The following ADORA1 variants were observed in gnomAD, a reference collection of about 807,000 sequenced individuals.
ADORA1 encodes the protein adenosine A1 receptor.
In ADORA1, 6 loss-of-function variants were observed where a neutral mutation model predicts 19.9. The ratio of observed to expected loss-of-function variants is 0.30; its 90% CI spans 0.17 to 0.59. The LOEUF (loss-of-function observed/expected upper bound fraction) is 0.59. ADORA1 is among the 20% of genes least tolerant of loss of function. The pLI, the probability that ADORA1 is intolerant of heterozygous loss-of-function variation, is 0.87. For synonymous variants in ADORA1, 194 were observed against 188.4 expected (o/e 1.03, Z -0.24); for missense variants, 302 against 439.2 (o/e 0.69, Z 2.79).
chr1:203,163,663 A>G (rs747260558), intron 3 of ADORA1, among the ~76,000 whole-genome samples: 8 of 152,198 alleles, frequency 5.3e-5, no homozygotes, highest in African/African-American at 1.2e-4. Context: ...TCTAGTCCTT[A>G]TCTTCTAGAT....
intron 3 of ADORA1, among the ~76,000 whole-genome samples, chr1:203,153,346 C>T (rs551565325): frequency 4.6e-5 from 7 of 152,226 alleles, no homozygotes; most frequent in South Asian, 2.1e-4. Flanking sequence ...GCCTTGAATC[C>T]GAAGGACAGA....
intron 3 of ADORA1, among the ~76,000 whole-genome samples, chr1:203,153,725 C>T (rs576581589): frequency 5.3e-5 from 8 of 152,284 alleles, no homozygotes; most frequent in African/African-American, 1.7e-4. Flanking sequence ...GCAGACTCCC[C>T]TGGGCAATGT....
chr1:203,141,094 T>A (rs1248435799), intron 3 of ADORA1, among the ~76,000 whole-genome samples: 2 of 152,218 alleles, frequency 1.3e-5, no homozygotes, highest in Non-Finnish European at 2.9e-5. Flanking sequence ...ACCTGGTCAA[T>A]CAATAAGCAG....
At chr1:203,148,425 C>T (rs1432267070) in intron 3 of ADORA1, among the ~76,000 whole-genome samples, 1 of 152,174 alleles carries the variant, frequency 6.6e-6, no homozygotes, top group Non-Finnish European at 1.5e-5. Context: ...GCGGAGCAAT[C>T]GGCTCCATCT....
intron 3 of ADORA1, among the ~76,000 whole-genome samples, chr1:203,161,129 C>A (rs911510075): frequency 2.0e-5 from 3 of 152,224 alleles, no homozygotes; most frequent in African/African-American, 7.2e-5. Flanking sequence ...CGGCTCTTGC[C>A]AACACTGAGA....
At chr1:203,160,862 C>G (rs916394578) in intron 3 of ADORA1, among the ~76,000 whole-genome samples, 9 of 152,148 alleles carry the variant, frequency 5.9e-5, no homozygotes, top group African/African-American at 2.2e-4. Context: ...TAAATGTTAG[C>G]GCTTACCAGC....
At chr1:203,155,565 C>T (rs919012676) in intron 3 of ADORA1, among the ~76,000 whole-genome samples, 6 of 152,190 alleles carry the variant, frequency 3.9e-5, no homozygotes, top group African/African-American at 1.4e-4. Flanking sequence ...ATGACGACTG[C>T]TGGGAATTAG....
In ADORA1 at chr1:203,128,909, C is replaced by T; in HGVS notation, c.68C>T (p.Ser23Phe). The change falls in exon 3 of 4, where the codon TCT (serine) becomes TTT (phenylalanine). Residue 23 changes from serine (S) to phenylalanine (F), a missense_variant. Transcript: ENST00000337894. This position sits in a 1 kb window ranked among gnomAD's most constrained non-coding sequence, Gnocchi z 5.9. ...IGIEVLIALV[S>F]VPGNVLVIWA... ...ATCGAGGTGCTCATCGCCCTGGTCTCTGTGCCCGGGAACGTGCTGGTGATC... is the reference window on the plus strand; with the variant it reads ...ATCGAGGTGCTCATCGCCCTGGTCTTTGTGCCCGGGAACGTGCTGGTGATC... 6.2e-7 allele frequency: 1 copy of T among 1,613,716 alleles called. No homozygotes were observed. Among genetic ancestry groups the T allele is most frequent in the Non-Finnish European group, 8.5e-7 (1 of 1,180,032 alleles).
chr1:203,157,825 G>A (rs1052029178), intron 3 of ADORA1, among the ~76,000 whole-genome samples: 4 of 152,248 alleles, frequency 2.6e-5, no homozygotes, highest in African/African-American at 9.6e-5. Flanking sequence ...CTGCCAAGGA[G>A]CAGAGTCCTG....
intron 3 of ADORA1, among the ~76,000 whole-genome samples, chr1:203,161,259 T>C (rs1211888397): frequency 6.6e-6 from 1 of 152,194 alleles, no homozygotes; most frequent in Admixed American, 6.6e-5. Context: ...AATGAGAAGT[T>C]CCGACTAATA....
intron 3 of ADORA1, among the ~76,000 whole-genome samples, chr1:203,148,750 A>C (rs1456389430): frequency 6.6e-6 from 1 of 151,786 alleles, no homozygotes; most frequent in East Asian, 1.9e-4. Context: ...GAAGGAAGCC[A>C]CTCTATGCCT....
chr1:203,166,777 A>ACTGT lies in ADORA1; in HGVS notation c.*879_*882dup, dbSNP rs1289154209. The ACTGT allele has an allele frequency of 1.3e-5, 2 of 152,668 alleles. No homozygotes were observed. The highest frequency in any genetic ancestry group is 4.8e-5 in the African/African-American group (2 of 41,448). The allele number at this position is 152,668 out of a possible 1,614,324, so 9.5% of individuals were successfully genotyped here. A position where few individuals can be genotyped will look rare whatever the true frequency, so the allele number is the denominator to read the frequency against. On this transcript the variant is annotated 3_prime_UTR_variant, in exon 4 of 4. Coordinates refer to ENST00000337894, the MANE Select transcript of ADORA1 (RefSeq NM_000674.3). ...CTGGCCTGCCCGTTGCCGGGCCTGGACTGTCCTAGGTGACCCCATCTCTGC... is the reference window on the plus strand; with the variant it reads ...CTGGCCTGCCCGTTGCCGGGCCTGGACTGTCTGTCCTAGGTGACCCCATCTCTGC...
At chr1:203,149,706 C>A (rs1167427567) in intron 3 of ADORA1, among the ~76,000 whole-genome samples, 1 of 152,146 alleles carries the variant, frequency 6.6e-6, no homozygotes, top group African/African-American at 2.4e-5. Context: ...GAGCAGAGCT[C>A]TGCTGCCTGC....
At chr1:203,135,601 T>C (rs139564141) in intron 3 of ADORA1, among the ~76,000 whole-genome samples, 3 of 150,756 alleles carry the variant, frequency 2.0e-5, no homozygotes, top group African/African-American at 4.9e-5. Context: ...GATGTTGCAG[T>C]GAGCTGAGAT....
rs150544085 is a variant in ADORA1, at chr1:203,130,397, A to G, written c.341+1215A>G. On this transcript the variant is annotated intron_variant, in intron 3 of 3. Coordinates refer to ENST00000337894, the MANE Select transcript of ADORA1 (RefSeq NM_000674.3). ...GAGGGTCTCCTTGAAGCTCACTCAG[A>G]AGTGTGATCTAATTATCTGCCTTCC... Among the ~76,000 whole-genome samples the G allele has an allele frequency of 1.9e-4, 29 of 152,298 alleles. No homozygotes were observed. The East Asian group carries it at 5.6e-3, about 29-fold the overall frequency.
chr1:203,133,490 C>T (rs1654408830), intron 3 of ADORA1, among the ~76,000 whole-genome samples: 1 of 152,210 alleles, frequency 6.6e-6, no homozygotes, highest in Admixed American at 6.5e-5. Context: ...AACAGCTTGT[C>T]AGGGGCAGAA....
chr1:203,154,519 G>A (rs991320388), intron 3 of ADORA1, among the ~76,000 whole-genome samples: 1 of 152,158 alleles, frequency 6.6e-6, no homozygotes, highest in Non-Finnish European at 1.5e-5. Flanking sequence ...GTGAGGAGGC[G>A]GTGATCCCGG....
At chr1:203,132,159 A>T (rs1654362566) in intron 3 of ADORA1, among the ~76,000 whole-genome samples, 1 of 152,196 alleles carries the variant, frequency 6.6e-6, no homozygotes, top group African/African-American at 2.4e-5. Flanking sequence ...GGTCATTTGC[A>T]TATAATTTGC....
At chr1:203,151,641 G>A (rs4950924) in intron 3 of ADORA1, among the ~76,000 whole-genome samples, 42,619 of 151,750 alleles carry the variant, frequency 0.28, 7,568 homozygotes, top group Non-Finnish European at 0.4. Context: ...CTCACAGGGG[G>A]CCTGCCAAGC....
Sources: allele counts gnomAD v4.1 joint callset (sites outside exome capture counted in the v4.1 genomes callset), GRCh38; gene constraint gnomAD v4.1.1; non-coding constraint Gnocchi (gnomAD v3.1); transcripts MANE v1.5; gene names NCBI Gene and HGNC (gene_info 2026-07-23, HGNC 2026-07-21).